Variants in PDZD2 observed in about 807,000 individuals in gnomAD.
The protein encoded by PDZD2 is PDZ domain-containing protein 2.
A neutral mutation model predicts 220.7 loss-of-function variants in PDZD2; 90 were observed. The ratio of observed to expected loss-of-function variants is 0.41; its 90% CI spans 0.34 to 0.49. PDZD2 has a LOEUF of 0.49. Among genes scored for constraint, PDZD2 ranks in the 20% least tolerant of loss-of-function variants. The probability of loss-of-function intolerance (pLI) is 0.28; values close to 1 mark genes in which losing one functional copy is unlikely to be tolerated. For missense variants in PDZD2, 3,174 were observed against 3,608.5 expected, an observed-to-expected ratio of 0.88 and a Z score of 3.08; for synonymous variants, 1,375 against 1,450.5, an observed-to-expected ratio of 0.95 and a Z score of 1.18.
At chr5:31,675,405 G>A (rs551248455) in intron 1 of PDZD2, among the ~76,000 whole-genome samples, 52 of 152,296 alleles carry the variant, frequency 3.4e-4, no homozygotes, top group Non-Finnish European at 5.4e-4. Flanking sequence ...AAGGCCTTTG[G>A]TAAGATGGCC....
intron 1 of PDZD2, chr5:31,744,457 A>G (rs1395121775): frequency 6.6e-6 from 1 of 152,218 alleles, no homozygotes; most frequent in East Asian, 1.9e-4. Context: ...TCCAAAAAAA[A>G]GAAGGAAAAG....
chr5:31,743,158 T>G (rs1479955103), intron 1 of PDZD2, among the ~76,000 whole-genome samples: 2 of 152,030 alleles, frequency 1.3e-5, no homozygotes, highest in Non-Finnish European at 2.9e-5. Flanking sequence ...TATTTTCATA[T>G]TAGGTTATAT....
chr5:31,657,707 A>G (rs1745603344), intron 1 of PDZD2, among the ~76,000 whole-genome samples: 1 of 152,174 alleles, frequency 6.6e-6, no homozygotes, highest in Non-Finnish European at 1.5e-5. Flanking sequence ...AGACCGTGTG[A>G]TCCATGTGCA....
intron 1 of PDZD2, among the ~76,000 whole-genome samples, chr5:31,778,691 G>A (rs1752869005): frequency 1.3e-5 from 2 of 152,152 alleles, no homozygotes; most frequent in Non-Finnish European, 2.9e-5. Context: ...CTCACCGGGA[G>A]GGTCCGCGGC....
intron 1 of PDZD2, among the ~76,000 whole-genome samples, chr5:31,688,887 C>T (rs1196235747): frequency 3.9e-5 from 6 of 152,174 alleles, no homozygotes; most frequent in South Asian, 4.1e-4. Flanking sequence ...CCTTTCCAGG[C>T]TCCCCTGGGG....
intron 2 of PDZD2, among the ~76,000 whole-genome samples, chr5:31,917,918 T>C (rs1743833460): frequency 6.6e-6 from 1 of 152,122 alleles, no homozygotes; most frequent in African/African-American, 2.4e-5. Context: ...TTTGTATTTT[T>C]AGTAGAGATG....
At chr5:31,882,157 G>A (rs1011082169) in intron 2 of PDZD2, among the ~76,000 whole-genome samples, 1 of 152,162 alleles carries the variant, frequency 6.6e-6, no homozygotes, top group Admixed American at 6.5e-5. Flanking sequence ...GTGGCATTAC[G>A]CTAAGCCACA....
chr5:31,829,778 T>C (rs375135975), intron 2 of PDZD2, among the ~76,000 whole-genome samples: 7 of 152,014 alleles, frequency 4.6e-5, no homozygotes, highest in African/African-American at 1.7e-4. Flanking sequence ...TATGGCTGGG[T>C]GTGGTGGCTC....
intron 1 of PDZD2, among the ~76,000 whole-genome samples, chr5:31,748,327 C>A (rs1750724882): frequency 6.6e-6 from 1 of 152,210 alleles, no homozygotes; most frequent in Non-Finnish European, 1.5e-5. Flanking sequence ...CTAGACCCGA[C>A]TTGCTCACAA....
At chr5:31,729,729 C>G (rs927329783) in intron 1 of PDZD2, among the ~76,000 whole-genome samples, 1 of 152,144 alleles carries the variant, frequency 6.6e-6, no homozygotes, top group Non-Finnish European at 1.5e-5. Context: ...ACTTTTCTAC[C>G]CAAAGAACTG....
Position 31,643,276 on chromosome 5 carries a change from G to A in PDZD2, c.-361+3839G>A, listed in dbSNP as rs562178896. On this transcript the variant is annotated intron_variant, in intron 1 of 24. Coordinates refer to ENST00000438447, the MANE Select transcript of PDZD2 (RefSeq NM_178140.4). ...CTGAAGCTTTCTTTCAGCTGTGGAT[G>A]AAAAGTTTTGGACTACTCTGAGCAG... is the stretch of plus-strand genomic sequence containing the variant. Among the ~76,000 whole-genome samples, 41 of 152,344 alleles carry A rather than the reference G, an allele frequency of 2.7e-4. No homozygotes were observed. In the South Asian group the frequency reaches 8.5e-3, roughly 32 times the overall value.
chr5:31,795,633 T>C (rs1290490321), intron 1 of PDZD2, among the ~76,000 whole-genome samples: 1 of 152,200 alleles, frequency 6.6e-6, no homozygotes, highest in Admixed American at 6.5e-5. Context: ...CAGATTTCTG[T>C]TCTGTATCTT....
chr5:31,998,032 G>A (rs941097669), intron 4 of PDZD2, among the ~76,000 whole-genome samples: 2 of 152,172 alleles, frequency 1.3e-5, no homozygotes, highest in South Asian at 2.1e-4. Context: ...TAGTAGAGAC[G>A]GGGTTTCACT....
At chr5:31,999,195 C>A (rs1253657155) in intron 4 of PDZD2, among the ~76,000 whole-genome samples, 1 of 151,560 alleles carries the variant, frequency 6.6e-6, no homozygotes, top group Non-Finnish European at 1.5e-5. Flanking sequence ...AGGTCTGATA[C>A]CTGCAGTGAC....
At chr5:31,900,210 A>AT (rs1356835765) in intron 2 of PDZD2, among the ~76,000 whole-genome samples, 1 of 152,160 alleles carries the variant, frequency 6.6e-6, no homozygotes, top group Non-Finnish European at 1.5e-5. Flanking sequence ...TCAGTTGGAG[A>AT]TTCCAGGGAG....
chr5:31,749,996 C>T (rs1232528319), intron 1 of PDZD2, among the ~76,000 whole-genome samples: 2 of 152,186 alleles, frequency 1.3e-5, no homozygotes, highest in Non-Finnish European at 2.9e-5. Context: ...AAACCTGGGG[C>T]CATCCAGGAC....
intron 1 of PDZD2, among the ~76,000 whole-genome samples, chr5:31,682,046 A>C (rs1358375105): frequency 6.6e-6 from 1 of 152,144 alleles, no homozygotes; most frequent in Non-Finnish European, 1.5e-5. Flanking sequence ...TCTCCCTAAG[A>C]CGCATAGATA....
At chr5:31,708,981 G>A (rs425927) in intron 1 of PDZD2, among the ~76,000 whole-genome samples, 122 of 149,678 alleles carry the variant, frequency 8.2e-4, no homozygotes, top group Admixed American at 2.1e-3. Flanking sequence ...TCCGCCTCCC[G>A]GGTTCAAGCG....
chr5:32,086,942 G>A (rs994110341), intron 19 of PDZD2, among the ~76,000 whole-genome samples, 189 bp from the exon 20 acceptor site: 14 of 145,636 alleles, frequency 9.6e-5, no homozygotes, highest in African/African-American at 3.1e-4. Context: ...ACCCGCCTCC[G>A]CCTCCCAAAG....
Sources: allele counts gnomAD v4.1 joint callset (sites outside exome capture counted in the v4.1 genomes callset), GRCh38; gene constraint gnomAD v4.1.1; transcripts MANE v1.5; gene names NCBI Gene and HGNC (gene_info 2026-07-23, HGNC 2026-07-21).